The following PMEPA1 variants were observed in gnomAD, a reference collection of about 807,000 sequenced individuals.
PMEPA1 encodes the protein protein TMEPAI.
PMEPA1 carries 11 observed loss-of-function variants against 23.0 expected under a neutral mutation model. The observed-to-expected ratio is 0.48, with a 90% CI of 0.30 to 0.79. The LOEUF (loss-of-function observed/expected upper bound fraction) is 0.79. Ranked by LOEUF, PMEPA1 falls within the 30% of genes least tolerant of loss-of-function variation. The probability of loss-of-function intolerance (pLI) is 0.06; values close to 1 mark genes in which losing one functional copy is unlikely to be tolerated. For synonymous variants in PMEPA1, 204 were observed against 166.4 expected (o/e 1.23, Z -1.74); for missense variants, 377 against 390.9 (o/e 0.96, Z 0.30).
chr20:57,660,046 G>A (rs1322183415), intron 1 of PMEPA1, among the ~76,000 whole-genome samples: 1 of 152,188 alleles, frequency 6.6e-6, no homozygotes, highest in Non-Finnish European at 1.5e-5. Flanking sequence ...GAGCCGTTCT[G>A]CAGATGCACA....
chr20:57,710,348 G>T (rs1009151852), upstream of PMEPA1: 9 of 1,158,172 alleles, frequency 7.8e-6, no homozygotes, highest in Non-Finnish European at 9.4e-6. Flanking sequence ...CGTCCCTGGG[G>T]TCCTTGACCC....
At chr20:57,677,117 C>A (rs1303639661) in intron 1 of PMEPA1, among the ~76,000 whole-genome samples, 1 of 152,172 alleles carries the variant, frequency 6.6e-6, no homozygotes, top group Admixed American at 6.5e-5. Context: ...GTCTGTCATC[C>A]CACATGTGCT....
intron 1 of PMEPA1, among the ~76,000 whole-genome samples, chr20:57,702,132 G>A (rs2072019627): frequency 6.6e-6 from 1 of 152,158 alleles, no homozygotes; most frequent in Non-Finnish European, 1.5e-5. Flanking sequence ...GCAGCAGCTC[G>A]TAGAGGGCAG....
rs114881531 is a variant in PMEPA1 at position 57,685,841 on chromosome 20, G to A, written c.109+23633C>T. ...AAAGGTTACATGAAAATGCATGGGG[G>A]AGAACTTGTTTCCACCTGCTCCGGG... On this transcript the variant is annotated intron_variant, in intron 1 of 3. Coordinates refer to ENST00000341744, the MANE Select transcript of PMEPA1 (RefSeq NM_020182.5). Among the ~76,000 whole-genome samples, 1,508 of 152,312 alleles carry A rather than the reference G, an allele frequency of 9.9e-3. 16 individuals carry two copies. The highest frequency in any genetic ancestry group is 0.034 in the African/African-American group (1,413 of 41,570).
rs542610479 is a variant in PMEPA1 at position 57,703,920 on chromosome 20, C to T, written c.109+5554G>A. Among the ~76,000 whole-genome samples, 6 of 152,172 alleles carry T rather than the reference C, an allele frequency of 3.9e-5. No homozygotes were observed. The South Asian group carries it at 8.3e-4, about 21-fold the overall frequency. On this transcript the variant is annotated intron_variant, in intron 1 of 3. Transcript: ENST00000341744. Reference sequence around the variant, plus strand: ...GCACCCTCAGCACAGGGACTATTATCACCCCACTTTACAGACCCATCAGAT... The same window carrying T: ...GCACCCTCAGCACAGGGACTATTATTACCCCACTTTACAGACCCATCAGAT...
intron 1 of PMEPA1, among the ~76,000 whole-genome samples, chr20:57,676,829 G>A (rs1009118559): frequency 2.0e-5 from 3 of 152,162 alleles, no homozygotes; most frequent in Non-Finnish European, 2.9e-5. Flanking sequence ...AGAGCAGAAG[G>A]TTTCTCCACG....
At chr20:57,669,960 C>T (rs564296281) in intron 1 of PMEPA1, among the ~76,000 whole-genome samples, 1 of 152,102 alleles carries the variant, frequency 6.6e-6, no homozygotes, top group African/African-American at 2.4e-5. Context: ...GTGGTCTCTG[C>T]GGAGGTGCTG....
At chr20:57,707,622 A>AAAGGACAGAAAT (rs1444674489) in intron 1 of PMEPA1, among the ~76,000 whole-genome samples, 1 of 152,016 alleles carries the variant, frequency 6.6e-6, no homozygotes, top group Non-Finnish European at 1.5e-5. Context: ...TGAGCCTAAG[A>AAAGGACAGAAAT]AAGGACAGAA....
intron 1 of PMEPA1, among the ~76,000 whole-genome samples, chr20:57,670,333 C>T (rs2071550852): frequency 1.3e-5 from 2 of 152,178 alleles, no homozygotes; most frequent in African/African-American, 4.8e-5. Flanking sequence ...TGCAGCACAG[C>T]TAATGGGCTG....
intron 1 of PMEPA1, among the ~76,000 whole-genome samples, chr20:57,684,920 T>C (rs1224501546): frequency 1.3e-5 from 2 of 152,072 alleles, no homozygotes; most frequent in Admixed American, 1.3e-4. Context: ...TTTTCCTTTT[T>C]CGATGATGGT....
chr20:57,650,622 CG>C lies in PMEPA1; in HGVS notation c.*1430del, dbSNP rs2071212225. 1 of 152,240 alleles carries C rather than the reference CG, an allele frequency of 6.6e-6. No individual in the cohort carries two copies. Among genetic ancestry groups the C allele is most frequent in the African/African-American group, 2.4e-5 (1 of 41,448 alleles). 9.4% of individuals were successfully genotyped at this position (152,240 alleles called of 1,614,324 possible). On this transcript the variant is annotated 3_prime_UTR_variant, in exon 4 of 4. Transcript: ENST00000341744. ...CACCAGAAGGGAAGCGTTGTTTCCG[CG>C]GGGAAAGGAGATGGAAAGGGGAAGA...
At chr20:57,654,852 G>A (rs1044506783) in intron 2 of PMEPA1, among the ~76,000 whole-genome samples, 1 of 152,112 alleles carries the variant, frequency 6.6e-6, no homozygotes, top group African/African-American at 2.4e-5. Context: ...TGGTCTTTGA[G>A]GTCCTTGAGG....
In PMEPA1 at chr20:57,709,768, C is replaced by T. The variant is rs947605166; in HGVS notation, c.-186G>A. The T allele has an allele frequency of 1.8e-5, 18 of 980,898 alleles. No homozygotes were observed. In the African/African-American group the frequency reaches 3.0e-4, roughly 16 times the overall value. The allele number at this position is 980,898 out of a possible 1,614,324, so 60.8% of individuals were successfully genotyped here. ...CCGCGGGGCTCAGTGCGCGGGACCG[C>T]GCTCCGCTGCGCCCCCCCGGCCTCC... On this transcript the variant is annotated 5_prime_UTR_variant, in exon 1 of 4. Transcript: ENST00000341744.
In PMEPA1 at chr20:57,655,134, G is replaced by A. The variant is rs887640203; in HGVS notation, c.265-2048C>T. 6.6e-6 allele frequency among the ~76,000 whole-genome samples: 1 copy of A among 152,196 alleles called. No homozygotes were observed. The highest frequency in any genetic ancestry group is 1.5e-5 in the Non-Finnish European group (1 of 68,022). ...GACAGCGCCTGCAATGCACCATACA[G>A]TGTGTTCTGCAAGGTGCCCAGTGAA... is the stretch of plus-strand genomic sequence containing the variant. On this transcript the variant is annotated intron_variant, in intron 2 of 3. Coordinates refer to ENST00000341744, the MANE Select transcript of PMEPA1 (RefSeq NM_020182.5). The surrounding 1 kb of genome is among the most constrained non-coding windows in gnomAD (Gnocchi z 4.2).
rs73917727 is a variant in PMEPA1, at chr20:57,706,227, C to T, written c.109+3247G>A. ...CCGGGTGGCCCCAGGTTCAGTCTTTCCCGAGAGCGAACTTAGCATCCATCT... is the reference window on the plus strand; with the variant it reads ...CCGGGTGGCCCCAGGTTCAGTCTTTTCCGAGAGCGAACTTAGCATCCATCT... On this transcript the variant is annotated intron_variant, in intron 1 of 3. Transcript: ENST00000341744. Among the ~76,000 whole-genome samples the T allele has an allele frequency of 4.2e-3, 634 of 152,266 alleles. 8 individuals carry two copies. The highest frequency in any genetic ancestry group is 0.014 in the African/African-American group (599 of 41,552).
rs561742823 is a variant in PMEPA1, at chr20:57,657,789, G to T, written c.264+1754C>A. Among the ~76,000 whole-genome samples the T allele has an allele frequency of 2.0e-5, 3 of 152,340 alleles. No homozygotes were observed. The East Asian group carries it at 5.8e-4, about 29-fold the overall frequency. Reference sequence around the variant, plus strand: ...TCTCAGCTGACTTGGCTCAGCCCAGGGACTCTGGGCGCCACCACCAACCCC... The same window carrying T: ...TCTCAGCTGACTTGGCTCAGCCCAGTGACTCTGGGCGCCACCACCAACCCC... On this transcript the variant is annotated intron_variant, in intron 2 of 3. Coordinates refer to ENST00000341744, the MANE Select transcript of PMEPA1 (RefSeq NM_020182.5).
intron 1 of PMEPA1, among the ~76,000 whole-genome samples, chr20:57,675,223 C>T (rs1037355473): frequency 1.3e-5 from 2 of 148,994 alleles, no homozygotes; most frequent in Non-Finnish European, 3.0e-5. Flanking sequence ...TTTCCCTGTG[C>T]CTGGGACACA....
chr20:57,672,889 T>G (rs528982643), intron 1 of PMEPA1, among the ~76,000 whole-genome samples: 18 of 152,194 alleles, frequency 1.2e-4, no homozygotes, highest in Non-Finnish European at 2.5e-4. Context: ...ATTCGTTCAC[T>G]CTCTGTGCCT....
chr20:57,678,455 C>A (rs1444196432), intron 1 of PMEPA1, among the ~76,000 whole-genome samples: 5 of 152,272 alleles, frequency 3.3e-5, no homozygotes, highest in Admixed American at 6.5e-5. Flanking sequence ...GGCCAGCAGC[C>A]TTAAGCGGTC....
Sources: allele counts gnomAD v4.1 joint callset (sites outside exome capture counted in the v4.1 genomes callset), GRCh38; gene constraint gnomAD v4.1.1; non-coding constraint Gnocchi (gnomAD v3.1); transcripts MANE v1.5; gene names NCBI Gene and HGNC (gene_info 2026-07-23, HGNC 2026-07-21).